PKHD1: variants seen among roughly 807,000 people sequenced by gnomAD.
PKHD1 encodes the protein PKHD1 ciliary IPT domain containing fibrocystin/polyductin.
In PKHD1, 291 loss-of-function variants were observed where a neutral mutation model predicts 412.0. The observed-to-expected ratio is 0.71, with a 90% CI of 0.64 to 0.78. The LOEUF is 0.78. Among genes scored for constraint, PKHD1 ranks in the 30% least tolerant of loss-of-function variants. PKHD1 has a pLI of 0.00. For synonymous variants in PKHD1, 1,777 were observed against 1,821.5 expected, an observed-to-expected ratio of 0.98 and a Z score of 0.62; for missense variants, 4,825 against 4,950.7, an observed-to-expected ratio of 0.97 and a Z score of 0.76.
chr6:51,654,330 C>A (rs999942131), intron 61 of PKHD1, among the ~76,000 whole-genome samples: 2 of 152,044 alleles, frequency 1.3e-5, no homozygotes, highest in African/African-American at 4.8e-5. Context: ...AGTATAACAT[C>A]TTCTCATTAA....
At chr6:51,950,220 A>AAAAAAAAATATATATATATAT in intron 36 of PKHD1, among the ~76,000 whole-genome samples, 7 of 98,298 alleles carry the variant, frequency 7.1e-5, no homozygotes, top group African/African-American at 1.5e-4. Context: ...GAAAAAAAAA[A>AAAAAAAAATATATATATATAT]ATATATATAT....
At chr6:52,007,029 T>C (rs561376513) in intron 35 of PKHD1, among the ~76,000 whole-genome samples, 51 of 152,348 alleles carry the variant, frequency 3.3e-4, no homozygotes, top group African/African-American at 1.2e-3. Flanking sequence ...ATTTGTTCCT[T>C]TTTATAGCTG....
At chr6:51,771,606 G>GAGACTGTGT (rs1332461252) in intron 55 of PKHD1, among the ~76,000 whole-genome samples, 1 of 149,654 alleles carries the variant, frequency 6.7e-6, no homozygotes, top group Non-Finnish European at 1.5e-5. Flanking sequence ...CCAATAGAGT[G>GAGACTGTGT]AGACTGTGTC....
intron 55 of PKHD1, among the ~76,000 whole-genome samples, chr6:51,760,738 T>C (rs1182616281): frequency 2.6e-5 from 4 of 152,006 alleles, no homozygotes; most frequent in African/African-American, 7.2e-5. Context: ...TAATTTAACA[T>C]AGGAGATAAA....
Position 51,615,429 on chromosome 6 carries a change from C to T in PKHD1, c.*3652G>A, listed in dbSNP as rs1364084442. Reference sequence around the variant, plus strand: ...TCTATCAAATATATCTGTAATTAGTCAAAGTGCTATAGTGTATGTTGAAAT... The same window carrying T: ...TCTATCAAATATATCTGTAATTAGTTAAAGTGCTATAGTGTATGTTGAAAT... On this transcript the variant is annotated 3_prime_UTR_variant, in exon 67 of 67. Transcript: ENST00000371117. 6.6e-6 allele frequency: 1 copy of T among 152,048 alleles called. No individual in the cohort carries two copies. The highest frequency in any genetic ancestry group is 6.5e-5 in the Admixed American group (1 of 15,274). 9.4% of individuals were successfully genotyped at this position (152,048 alleles called of 1,614,324 possible).
At position 51,870,767 on chromosome 6, in the gene PKHD1, A is replaced by C. The variant is rs1039115935; in HGVS notation, c.7351-128T>G. 1.5e-5 allele frequency: 11 copies of C among 709,828 alleles called. No homozygotes were observed. In the African/African-American group the frequency reaches 1.8e-4, roughly 12 times the overall value. The allele number at this position is 709,828 out of a possible 1,614,324, so 44.0% of individuals were successfully genotyped here. A position where few individuals can be genotyped will look rare whatever the true frequency, so the allele number is the denominator to read the frequency against. ...ATTGACTAAGAGAAAATATTTGCCA[A>C]TCACACATATGACAAAGGACCTATA... On this transcript the variant is annotated intron_variant, in intron 46 of 66. Coordinates refer to ENST00000371117, the MANE Select transcript of PKHD1 (RefSeq NM_138694.4).
chr6:51,909,187 C>G (rs1056901677), intron 40 of PKHD1, 96 bp downstream of exon 40: 2 of 983,084 alleles, frequency 2.0e-6, no homozygotes, highest in African/African-American at 3.2e-5. Context: ...CTAAATCCCT[C>G]AAATCCCACA....
chr6:52,072,497 C>T (rs993136946), intron 7 of PKHD1, among the ~76,000 whole-genome samples: 1 of 152,164 alleles, frequency 6.6e-6, no homozygotes, highest in African/African-American at 2.4e-5. Context: ...TTTATTCCCC[C>T]TTTCAAAGGC....
In PKHD1 at chr6:52,055,593, A is replaced by T. The variant is rs749293235; in HGVS notation, c.1830T>A (p.Tyr610Ter). The T allele has an allele frequency of 4.1e-5, 66 of 1,614,028 alleles. No homozygotes were observed. Among genetic ancestry groups the T allele is most frequent in the Non-Finnish European group, 5.6e-5 (66 of 1,179,924 alleles). The change falls in exon 19 of 67, where the codon TAT becomes TAA. Residue 610 changes from tyrosine (Y) to a stop codon, truncating the protein, a stop_gained. Coordinates refer to ENST00000371117, the MANE Select transcript of PKHD1 (RefSeq NM_138694.4). LOFTEE classifies it high-confidence loss of function. ...CACAAAGACTGCTACTCACGTGTGT[A>T]TACTGATCTAGCCGATAGCCCTTCT... is the stretch of plus-strand genomic sequence containing the variant. Reference protein sequence around the residue: ...AAQKGYRLDQYTHLCLAYKGH... With the variant: ...AAQKGYRLDQ
intron 60 of PKHD1, among the ~76,000 whole-genome samples, chr6:51,662,955 TCTC>T (rs1773105769): frequency 6.6e-6 from 1 of 151,972 alleles, no homozygotes; most frequent in South Asian, 2.1e-4. Context: ...AAAGGAATAG[TCTC>T]CTTTTTTTAA....
Position 51,721,871 on chromosome 6 carries a change from T to C in PKHD1, c.10156+22514A>G, listed in dbSNP as rs772384723. On this transcript the variant is annotated intron_variant, in intron 60 of 66. Coordinates refer to ENST00000371117, the MANE Select transcript of PKHD1 (RefSeq NM_138694.4). ...ATCAATTTCTTCTCAATTTGAACAA[T>C]TGAAACAGTGTCTTAACAAGTCTTT... 479 of 1,570,318 alleles carry C rather than the reference T, an allele frequency of 3.1e-4. 1 individual carries two copies. The highest frequency in any genetic ancestry group is 1.7e-3 in the South Asian group (147 of 86,706).
At chr6:52,087,229 C>CCT (rs565508693) in intron 1 of PKHD1, among the ~76,000 whole-genome samples, 3 of 151,710 alleles carry the variant, frequency 2.0e-5, no homozygotes, top group African/African-American at 4.8e-5. Context: ...TTTTTGTTCT[C>CCT]CTCTCTCTCT....
intron 60 of PKHD1, among the ~76,000 whole-genome samples, chr6:51,716,587 C>G (rs1490161638): frequency 2.0e-5 from 3 of 152,024 alleles, no homozygotes; most frequent in African/African-American, 7.2e-5. Context: ...TGTCTTTGCT[C>G]CCCTTTCTTC....
At chr6:52,018,183 T>G (rs1800835349) in intron 33 of PKHD1, among the ~76,000 whole-genome samples, 1 of 152,134 alleles carries the variant, frequency 6.6e-6, no homozygotes, top group South Asian at 2.1e-4. Flanking sequence ...CACAATAAAT[T>G]TATCTATTCT....
intron 60 of PKHD1, among the ~76,000 whole-genome samples, chr6:51,694,165 C>T (rs145318143): frequency 0.014 from 2,145 of 152,098 alleles, 24 homozygotes; most frequent in Non-Finnish European, 0.024. Context: ...TTTCTCCCTC[C>T]TACCTGCTTT....
chr6:52,009,406 G>C (rs1424116401), intron 35 of PKHD1, among the ~76,000 whole-genome samples: 2 of 152,192 alleles, frequency 1.3e-5, no homozygotes, highest in Non-Finnish European at 2.9e-5. Context: ...CTGACTTTTG[G>C]ATTAGGACAG....
chr6:51,705,247 G>A (rs1011820745), intron 60 of PKHD1, among the ~76,000 whole-genome samples: 6 of 151,948 alleles, frequency 3.9e-5, no homozygotes, highest in Non-Finnish European at 5.9e-5. Flanking sequence ...GGGATTTTAA[G>A]AACCAGGGAG....
intron 60 of PKHD1, among the ~76,000 whole-genome samples, chr6:51,722,922 T>C (rs6918239): frequency 0.18 from 26,934 of 152,052 alleles, 2,571 homozygotes; most frequent in African/African-American, 0.25. Flanking sequence ...ACCACAGAAA[T>C]AGGCCTGCTC....
At chr6:51,895,975 C>T (rs919756306) in intron 43 of PKHD1, among the ~76,000 whole-genome samples, 7 of 152,106 alleles carry the variant, frequency 4.6e-5, no homozygotes, top group African/African-American at 7.2e-5. Flanking sequence ...TAAAAAACGG[C>T]ACACCACAAG....
Sources: gnomAD v4.1 joint callset for allele counts (sites outside exome capture counted in the v4.1 genomes callset) on GRCh38, gnomAD v4.1.1 for gene constraint, MANE v1.5 for transcripts, NCBI Gene and HGNC (gene_info 2026-07-23, HGNC 2026-07-21) for gene names.